The following HSPA12A variants were observed in gnomAD, a reference collection of about 807,000 sequenced individuals.
HSPA12A encodes heat shock 70 kDa protein 12A.
HSPA12A carries 28 observed loss-of-function variants against 69.2 expected under a neutral mutation model. The observed-to-expected ratio is 0.40, with a 90% CI of 0.30 to 0.55. The LOEUF is 0.55. Ranked by LOEUF, HSPA12A falls within the 20% of genes least tolerant of loss-of-function variation. The probability of loss-of-function intolerance (pLI) is 0.38; values close to 1 mark genes in which losing one functional copy is unlikely to be tolerated. For synonymous variants in HSPA12A, 345 were observed against 370.5 expected, an observed-to-expected ratio of 0.93 and a Z score of 0.79; for missense variants, 686 against 900.7, an observed-to-expected ratio of 0.76 and a Z score of 3.05.
chr10:116,739,758 T>G (rs1162485278), intron 1 of HSPA12A, among the ~76,000 whole-genome samples: 1 of 152,162 alleles, frequency 6.6e-6, no homozygotes, highest in Non-Finnish European at 1.5e-5. Flanking sequence ...AATTTAAACA[T>G]CTTATTAAGA....
chr10:116,726,027 G>GCGCACACACACACACACA (rs140160132), intron 1 of HSPA12A, among the ~76,000 whole-genome samples: 8 of 146,114 alleles, frequency 5.5e-5, no homozygotes, highest in African/African-American at 2.1e-4. Flanking sequence ...ACACACACAC[G>GCGCACACACACACACACA]CACACACACA....
chr10:116,738,137 A>G (rs1341205693), intron 1 of HSPA12A, among the ~76,000 whole-genome samples: 1 of 152,204 alleles, frequency 6.6e-6, no homozygotes, highest in Non-Finnish European at 1.5e-5. Flanking sequence ...CGCCCCCACA[A>G]GATTGAGTCG....
chr10:116,809,774 C>CT (rs1449547087), intron 2 of HSPA12A, among the ~76,000 whole-genome samples: 2 of 152,228 alleles, frequency 1.3e-5, no homozygotes, highest in African/African-American at 4.8e-5. Context: ...CCAAAGGACC[C>CT]TTTCCTAAAA....
At chr10:116,688,727 C>T (rs1408918820) in intron 6 of HSPA12A, among the ~76,000 whole-genome samples, 4 of 152,198 alleles carry the variant, frequency 2.6e-5, no homozygotes, top group East Asian at 1.9e-4. Context: ...GAAGAAGCTG[C>T]GTCTCCATGT....
At chr10:116,748,421 A>G (rs986841618) in intron 2 of HSPA12A, among the ~76,000 whole-genome samples, 4 of 152,246 alleles carry the variant, frequency 2.6e-5, no homozygotes, top group African/African-American at 9.6e-5. Flanking sequence ...CCCCAGAGTT[A>G]GGAATGCACA....
chr10:116,705,054 C>G (rs566996772), intron 3 of HSPA12A, 97 bp downstream of exon 3: 1 of 1,441,024 alleles, frequency 6.9e-7, no homozygotes. Flanking sequence ...AATCCAGGGC[C>G]GTCTTCGTAA....
At position 116,849,648 on chromosome 10, in the gene HSPA12A, CG is replaced by C. The variant is rs368456269; in HGVS notation, c.-81del. 1.9e-3 allele frequency: 2,950 copies of C among 1,550,242 alleles called. 3 individuals are homozygous for C. Among genetic ancestry groups the C allele is most frequent in the Non-Finnish European group, 2.4e-3 (2,756 of 1,146,822 alleles). ...GAAGCAGCAGGCGATGGAGTACTAC[CG>C]GGAGAACGACGTTCCGCGCAGGCTG... On this transcript the variant is annotated 5_prime_UTR_variant, in exon 1 of 13. Coordinates refer to the HSPA12A transcript ENST00000635765.
At chr10:116,724,054 T>TCTGCACCTTGTACAGAGCC in intron 1 of HSPA12A, among the ~76,000 whole-genome samples, 1 of 152,216 alleles carries the variant, frequency 6.6e-6, no homozygotes, top group African/African-American at 2.4e-5. Flanking sequence ...AAGCAGCCCT[T>TCTGCACCTTGTACAGAGCC]CTGCACCTTG....
chr10:116,770,629 C>T (rs542992091), intron 2 of HSPA12A, among the ~76,000 whole-genome samples: 2 of 152,182 alleles, frequency 1.3e-5, no homozygotes, highest in South Asian at 2.1e-4. Flanking sequence ...GCAGAGACGC[C>T]GAGCTCCAGC....
intron 2 of HSPA12A, among the ~76,000 whole-genome samples, chr10:116,803,047 C>A (rs963746143): frequency 3.3e-5 from 2 of 61,238 alleles, no homozygotes; most frequent in Non-Finnish European, 5.0e-5. Flanking sequence ...GAGTAAGCCA[C>A]CGGGAGATGA....
chr10:116,675,467 G>T lies in HSPA12A; in HGVS notation c.1391-49C>A. Reference sequence around the variant, plus strand: ...ATGTCCTGTCACCAAAAGCCAGCAAGGAAGGGGGAACTGGGCTGCCTGCAT... The same window carrying T: ...ATGTCCTGTCACCAAAAGCCAGCAATGAAGGGGGAACTGGGCTGCCTGCAT... On this transcript the variant is annotated intron_variant, in intron 11 of 11. Coordinates refer to ENST00000369209, the MANE Select transcript of HSPA12A (RefSeq NM_025015.3). This position sits in a 1 kb window ranked among gnomAD's most constrained non-coding sequence, Gnocchi z 5.2. 6.7e-7 allele frequency: 1 copy of T among 1,497,180 alleles called. No individual in the cohort carries two copies. Among genetic ancestry groups the T allele is most frequent in the South Asian group, 1.3e-5 (1 of 74,584 alleles). The allele number at this position is 1,497,180 out of a possible 1,614,324, so 92.7% of individuals were successfully genotyped here.
chr10:116,790,555 C>A (rs556090957), intron 2 of HSPA12A, among the ~76,000 whole-genome samples: 1 of 152,184 alleles, frequency 6.6e-6, no homozygotes, highest in South Asian at 2.1e-4. Context: ...GAATACTGAT[C>A]CTCTACTCAC....
chr10:116,711,714 A>C (rs1850436611), intron 1 of HSPA12A, among the ~76,000 whole-genome samples: 1 of 135,452 alleles, frequency 7.4e-6, no homozygotes, highest in Non-Finnish European at 1.5e-5. Context: ...GCCCAGGCTG[A>C]GTGCAGTGGT....
At chr10:116,741,802 C>A (rs1441337421) in intron 1 of HSPA12A, among the ~76,000 whole-genome samples, 1 of 152,180 alleles carries the variant, frequency 6.6e-6, no homozygotes, top group African/African-American at 2.4e-5. Context: ...AAGGGACCAT[C>A]GAACCCCCGC....
At chr10:116,846,594 C>T (rs529067779) in intron 1 of HSPA12A, among the ~76,000 whole-genome samples, 21 of 152,230 alleles carry the variant, frequency 1.4e-4, no homozygotes, top group African/African-American at 1.9e-4. Context: ...GTGATCCGCC[C>T]GCCTCGGCTT....
At chr10:116,762,905 G>A (rs1243906827) in intron 2 of HSPA12A, among the ~76,000 whole-genome samples, 2 of 152,114 alleles carry the variant, frequency 1.3e-5, no homozygotes, top group Non-Finnish European at 2.9e-5. Flanking sequence ...ATTCAGTAGG[G>A]CATCCCTCCT....
chr10:116,771,519 C>A (rs1554890490), intron 2 of HSPA12A, among the ~76,000 whole-genome samples: 2 of 152,234 alleles, frequency 1.3e-5, no homozygotes, highest in Non-Finnish European at 2.9e-5. Context: ...GAGGCCAGGG[C>A]AGAGCCTGGG....
chr10:116,771,462 G>A (rs61874877), intron 2 of HSPA12A, among the ~76,000 whole-genome samples: 36,188 of 152,218 alleles, frequency 0.24, 4,912 homozygotes, highest in South Asian at 0.38. Flanking sequence ...GCTGAAATGG[G>A]AACTGAGGAA....
chr10:116,804,098 G>C (rs1845016928), intron 2 of HSPA12A, among the ~76,000 whole-genome samples: 1 of 152,018 alleles, frequency 6.6e-6, no homozygotes, highest in Admixed American at 6.6e-5. Context: ...AGGCACATAC[G>C]CATTTATAGC....
Sources: gnomAD v4.1 joint callset for allele counts (sites outside exome capture counted in the v4.1 genomes callset) on GRCh38, gnomAD v4.1.1 for gene constraint, Gnocchi (gnomAD v3.1) non-coding constraint, MANE v1.5 for transcripts, NCBI Gene and HGNC (gene_info 2026-07-23, HGNC 2026-07-21) for gene names.